SETBP1: variants seen among roughly 807,000 people sequenced by gnomAD.
SETBP1 encodes the protein SET-binding protein.
SETBP1 carries 9 observed loss-of-function variants against 101.0 expected under a neutral mutation model. The ratio of observed to expected loss-of-function variants is 0.09; its 90% CI spans 0.05 to 0.16. The LOEUF is 0.16. Ranked by LOEUF, SETBP1 falls within the 10% of genes least tolerant of loss-of-function variation. SETBP1 has a pLI of 1.00. For synonymous variants in SETBP1, 818 were observed against 788.5 expected, an observed-to-expected ratio of 1.04 and a Z score of -0.63; for missense variants, 1,858 against 2,033.8, an observed-to-expected ratio of 0.91 and a Z score of 1.66.
chr18:45,030,288 GT>G (rs2073265259), intron 4 of SETBP1, among the ~76,000 whole-genome samples: 1 of 122,568 alleles, frequency 8.2e-6, no homozygotes, highest in Admixed American at 8.7e-5. Context: ...TTTGTCTTTG[GT>G]TCTGTTTATA....
At chr18:44,848,796 A>T (rs2072784131) in intron 2 of SETBP1, among the ~76,000 whole-genome samples, 1 of 152,192 alleles carries the variant, frequency 6.6e-6, no homozygotes. Flanking sequence ...CTCCCCATGG[A>T]CGGAAAGAGG....
chr18:44,987,397 G>A (rs796952502), intron 4 of SETBP1: 6 of 152,270 alleles, frequency 3.9e-5, no homozygotes, highest in African/African-American at 1.4e-4. Flanking sequence ...TAGGATTATT[G>A]CCTGTCCATC....
At position 45,061,741 on chromosome 18, in the gene SETBP1, G is replaced by C. The variant is rs147339977; in HGVS notation, c.4172-1338G>C. On this transcript the variant is annotated intron_variant, in intron 5 of 5. Coordinates refer to ENST00000649279, the MANE Select transcript of SETBP1 (RefSeq NM_015559.3). ...AGTGAGAATGGTATCCATGTTTTAA[G>C]CGTCTTTTTTCCTCCTCTCTCTTAA... Among the ~76,000 whole-genome samples the C allele has an allele frequency of 5.5e-3, 840 of 152,324 alleles. 9 individuals are homozygous for C. The highest frequency in any genetic ancestry group is 5.3e-3 in the Non-Finnish European group (362 of 68,034).
chr18:44,961,583 T>C (rs934656363), intron 4 of SETBP1, among the ~76,000 whole-genome samples: 3 of 152,158 alleles, frequency 2.0e-5, no homozygotes, highest in African/African-American at 7.2e-5. Flanking sequence ...AGGCCTTAAG[T>C]CTAAGTTTCT....
chr18:44,736,086 T>C (rs1337975849), intron 2 of SETBP1, among the ~76,000 whole-genome samples: 1 of 152,182 alleles, frequency 6.6e-6, no homozygotes, highest in Non-Finnish European at 1.5e-5. Context: ...GGAAATGCCA[T>C]ATCATTAAGA....
At chr18:44,994,917 G>A (rs2072457833) in intron 4 of SETBP1, among the ~76,000 whole-genome samples, 1 of 152,120 alleles carries the variant, frequency 6.6e-6, no homozygotes, top group Non-Finnish European at 1.5e-5. Flanking sequence ...TTCCAGCCAA[G>A]GGAGTAATTA....
Position 44,952,465 on chromosome 18 carries a change from T to C in SETBP1, c.3125T>C (p.Ile1042Thr). The change falls in exon 4 of 6, where the codon ATT becomes ACT. Residue 1042 changes from isoleucine to threonine, a missense_variant. Physicochemically the swap from Ile to Thr is moderately conservative, Grantham distance 89. Transcript: ENST00000649279. ...VPFLQGFSYP[I>T]PSGSYYAPYG... ...TTTTTACAAGGGTTCAGCTACCCTA[T>C]TCCCAGTGGAAGTTACTATGCACCC... 1 of 1,614,178 alleles carries C rather than the reference T, an allele frequency of 6.2e-7. No individual in the cohort carries two copies. The highest frequency in any genetic ancestry group is 8.5e-7 in the Non-Finnish European group (1 of 1,180,040).
At chr18:44,885,474 G>A (rs1254096402) in intron 3 of SETBP1, among the ~76,000 whole-genome samples, 2 of 152,038 alleles carry the variant, frequency 1.3e-5, no homozygotes, top group East Asian at 3.9e-4. Flanking sequence ...ATCTTGGGAA[G>A]CACACTGTAC....
At chr18:45,058,938 C>G (rs1170028914) in intron 5 of SETBP1, among the ~76,000 whole-genome samples, 1 of 152,150 alleles carries the variant, frequency 6.6e-6, no homozygotes, top group Non-Finnish European at 1.5e-5. Flanking sequence ...GGATGCATGA[C>G]CTTCACGGGG....
chr18:44,691,367 C>T (rs1056520791), intron 1 of SETBP1, among the ~76,000 whole-genome samples: 61 of 151,928 alleles, frequency 4.0e-4, no homozygotes, highest in African/African-American at 1.4e-3. Flanking sequence ...CCCCGCCCCC[C>T]AACCCTTTCA....
At chr18:44,776,572 A>G (rs968814943) in intron 2 of SETBP1, among the ~76,000 whole-genome samples, 1 of 152,194 alleles carries the variant, frequency 6.6e-6, no homozygotes, top group Admixed American at 6.5e-5. Flanking sequence ...AGTGTGTGTT[A>G]AGAAGCTTTC....
At chr18:45,020,064 C>A (rs2073025463) in intron 4 of SETBP1, among the ~76,000 whole-genome samples, 2 of 151,726 alleles carry the variant, frequency 1.3e-5, no homozygotes, top group African/African-American at 4.8e-5. Context: ...AGGGTTGTGG[C>A]AGGTTGAGAT....
chr18:44,960,834 A>C (rs1038422083), intron 4 of SETBP1, among the ~76,000 whole-genome samples: 5 of 151,636 alleles, frequency 3.3e-5, no homozygotes, highest in African/African-American at 1.2e-4. Context: ...TCCACCCTCC[A>C]CCCCCGGATT....
chr18:44,844,476 G>T (rs2072685880), intron 2 of SETBP1, among the ~76,000 whole-genome samples: 1 of 152,212 alleles, frequency 6.6e-6, no homozygotes, highest in Non-Finnish European at 1.5e-5. Context: ...ATGCATGGAG[G>T]TGTGTGGAAC....
intron 2 of SETBP1, among the ~76,000 whole-genome samples, chr18:44,855,190 G>A (rs2072951091): frequency 6.6e-6 from 1 of 151,568 alleles, no homozygotes; most frequent in South Asian, 2.1e-4. Context: ...AGGTTATAGT[G>A]TTATGATCGT....
In SETBP1 at chr18:44,952,189, A is replaced by G; in HGVS notation, c.2849A>G (p.Asp950Gly). 6.2e-7 allele frequency: 1 copy of G among 1,613,860 alleles called. No homozygotes were observed. The highest frequency in any genetic ancestry group is 1.1e-5 in the South Asian group (1 of 91,046). The change falls in exon 4 of 6, where the codon GAC (aspartate) becomes GGC (glycine). Residue 950 changes from aspartate (D) to glycine (G), a missense_variant. Asp to Gly is a moderately conservative substitution (Grantham distance 94, BLOSUM62 -1). Around this residue, in one of 12 missense-constraint regions of SETBP1, gnomAD observed 255 missense variants for 300.1 expected, o/e 0.85. Transcript: ENST00000649279. ...CGGAAAAGCCTGCAAAACCGCGATGACCTCCAGTTTCTGGCAGACCTGGAG... is the reference window on the plus strand; with the variant it reads ...CGGAAAAGCCTGCAAAACCGCGATGGCCTCCAGTTTCTGGCAGACCTGGAG... ...RKRKSLQNRD[D>G]LQFLADLEEL...
At chr18:44,955,635 T>G (rs1599374905) in intron 4 of SETBP1, among the ~76,000 whole-genome samples, 1 of 152,200 alleles carries the variant, frequency 6.6e-6, no homozygotes, top group Admixed American at 6.5e-5. Context: ...AAGAGAACTG[T>G]CCAGGTTCAA....
At position 44,902,936 on chromosome 18, in the gene SETBP1, T is replaced by C. The variant is rs554776276; in HGVS notation, c.540+33653T>C. Among the ~76,000 whole-genome samples, 36 of 152,158 alleles carry C rather than the reference T, an allele frequency of 2.4e-4. 1 individual carries two copies. In the East Asian group the frequency reaches 4.8e-3, roughly 20 times the overall value. On this transcript the variant is annotated intron_variant, in intron 3 of 5. Transcript: ENST00000649279. ...ATTGCCAAATATGGCTATTAAATAC[T>C]ATATAATATTTTTTTAAAAAATAAT...
intron 3 of SETBP1, among the ~76,000 whole-genome samples, chr18:44,892,261 C>T (rs1022801251): frequency 6.6e-6 from 1 of 152,108 alleles, no homozygotes; most frequent in Admixed American, 6.5e-5. Flanking sequence ...TGCACAAAGG[C>T]CTAGCTGTTT....
Sources: gnomAD v4.1 joint callset for allele counts (sites outside exome capture counted in the v4.1 genomes callset) on GRCh38, gnomAD v4.1.1 for gene constraint, gnomAD v4.1.1 regional missense constraint, MANE v1.5 for transcripts, NCBI Gene and HGNC (gene_info 2026-07-23, HGNC 2026-07-21) for gene names.